The following RALGPS2 variants were observed in gnomAD, a reference collection of about 807,000 sequenced individuals.
The protein encoded by RALGPS2 is Ral GEF with PH domain and SH3 binding motif 2.
A neutral mutation model predicts 86.8 loss-of-function variants in RALGPS2; 43 were observed. That is an observed-to-expected ratio of 0.50 (90% confidence interval 0.39 to 0.64). The LOEUF (loss-of-function observed/expected upper bound fraction) is 0.64. Ranked by LOEUF, RALGPS2 falls within the 30% of genes least tolerant of loss-of-function variation. RALGPS2 has a pLI of 0.00. For missense variants in RALGPS2, 536 were observed against 694.6 expected (o/e 0.77, Z 2.57); for synonymous variants, 243 against 231.3 (o/e 1.05, Z -0.46).
At chr1:178,905,862 A>G (rs1265599430) in intron 18 of RALGPS2, among the ~76,000 whole-genome samples, 1 of 152,186 alleles carries the variant, frequency 6.6e-6, no homozygotes, top group Non-Finnish European at 1.5e-5. Context: ...TGAATATCTA[A>G]TTTCTTAAAA....
chr1:178,788,756 G>A (rs74713192), intron 4 of RALGPS2, among the ~76,000 whole-genome samples: 5,483 of 151,928 alleles, frequency 0.036, 122 homozygotes, highest in Middle Eastern at 0.058. Flanking sequence ...GACATTTTCC[G>A]CGTTAGGTTT....
At chr1:178,730,655 A>G (rs1311875284) in intron 1 of RALGPS2, among the ~76,000 whole-genome samples, 3 of 147,662 alleles carry the variant, frequency 2.0e-5, no homozygotes, top group African/African-American at 7.5e-5. Context: ...CTGTGTAGCT[A>G]TAATTGTGAC....
At chr1:178,766,198 T>C (rs1652498275) in intron 1 of RALGPS2, among the ~76,000 whole-genome samples, 1 of 152,192 alleles carries the variant, frequency 6.6e-6, no homozygotes, top group South Asian at 2.1e-4. Flanking sequence ...CTAATAAATG[T>C]CCATGAAATC....
At chr1:178,738,986 A>G (rs1650874315) in intron 1 of RALGPS2, among the ~76,000 whole-genome samples, 1 of 152,176 alleles carries the variant, frequency 6.6e-6, no homozygotes, top group African/African-American at 2.4e-5. Context: ...TACATGACAA[A>G]TCTGTATGTT....
intron 8 of RALGPS2, among the ~76,000 whole-genome samples, chr1:178,838,253 G>A (rs1422598415): frequency 6.6e-6 from 1 of 152,210 alleles, no homozygotes; most frequent in Non-Finnish European, 1.5e-5. Flanking sequence ...CCCCCAAGTA[G>A]CCTAACTGGG....
chr1:178,797,084 T>C (rs1248641783), intron 4 of RALGPS2, among the ~76,000 whole-genome samples: 1 of 152,232 alleles, frequency 6.6e-6, no homozygotes, highest in Admixed American at 6.5e-5. Context: ...GTTTTATTCC[T>C]AAGTCATACC....
At chr1:178,853,727 A>G in intron 8 of RALGPS2, 1 of 1,609,140 alleles carries the variant, frequency 6.2e-7, no homozygotes, top group Non-Finnish European at 8.5e-7. Context: ...AGGTTTAATC[A>G]TATAAATCCC....
At chr1:178,872,298 T>C (rs1658801241) in intron 8 of RALGPS2, among the ~76,000 whole-genome samples, 1 of 152,208 alleles carries the variant, frequency 6.6e-6, no homozygotes, top group African/African-American at 2.4e-5. Flanking sequence ...CTATGCCATA[T>C]ATAGGTATAC....
intron 7 of RALGPS2, among the ~76,000 whole-genome samples, chr1:178,826,157 C>T (rs1467640986): frequency 6.6e-6 from 1 of 152,134 alleles, no homozygotes; most frequent in Non-Finnish European, 1.5e-5. Flanking sequence ...AAGACAACAA[C>T]ATTCTATGTA....
chr1:178,836,763 C>A (rs1558141900), intron 8 of RALGPS2, among the ~76,000 whole-genome samples: 2 of 151,934 alleles, frequency 1.3e-5, no homozygotes, highest in African/African-American at 4.8e-5. Context: ...CAGTCCACTT[C>A]TTTTCTTTCT....
intron 2 of RALGPS2, among the ~76,000 whole-genome samples, chr1:178,780,018 G>A (rs1317056829): frequency 6.6e-6 from 1 of 152,180 alleles, no homozygotes; most frequent in African/African-American, 2.4e-5. Context: ...ATAGATGTGA[G>A]CCACTGCATC....
chr1:178,808,910 A>T (rs1323578399), intron 5 of RALGPS2, among the ~76,000 whole-genome samples: 2 of 152,082 alleles, frequency 1.3e-5, no homozygotes, highest in Non-Finnish European at 2.9e-5. Context: ...TCTGTCACCC[A>T]AGCTGGAGTA....
chr1:178,877,853 A>G (rs1659065501), intron 9 of RALGPS2, among the ~76,000 whole-genome samples: 1 of 152,048 alleles, frequency 6.6e-6, no homozygotes, highest in Admixed American at 6.5e-5. Flanking sequence ...AATATTTAAA[A>G]TTTTTATTTT....
chr1:178,920,429 C>T lies in RALGPS2; in HGVS notation c.*4070C>T, dbSNP rs1369483004. On this transcript the variant is annotated 3_prime_UTR_variant, in exon 20 of 20. Coordinates refer to ENST00000367635, the MANE Select transcript of RALGPS2 (RefSeq NM_152663.5). ...ATCAAGTATGACAATAATCATGTGC[C>T]CTCTTGCTCCTCTTATTTCAGGAGT... 6.6e-6 allele frequency: 1 copy of T among 151,774 alleles called. No homozygotes were observed. The highest frequency in any genetic ancestry group is 1.5e-5 in the Non-Finnish European group (1 of 67,846). The allele number at this position is 151,774 out of a possible 1,614,324, so 9.4% of individuals were successfully genotyped here.
At chr1:178,819,165 GT>G (rs906916297) in intron 6 of RALGPS2, among the ~76,000 whole-genome samples, 15 of 150,804 alleles carry the variant, frequency 9.9e-5, no homozygotes, top group African/African-American at 3.6e-4. Context: ...TAATTTCTGT[GT>G]TTTTTTTATA....
chr1:178,776,401 G>T (rs1236886545), intron 1 of RALGPS2, among the ~76,000 whole-genome samples: 1 of 152,076 alleles, frequency 6.6e-6, no homozygotes, highest in Non-Finnish European at 1.5e-5. Flanking sequence ...TTGTACATTT[G>T]ATTTTTTTCC....
intron 4 of RALGPS2, among the ~76,000 whole-genome samples, chr1:178,803,898 C>T (rs1318757396): frequency 6.6e-6 from 1 of 152,168 alleles, no homozygotes; most frequent in Non-Finnish European, 1.5e-5. Context: ...TTTTAGCTTA[C>T]ATCACATGAG....
chr1:178,861,905 C>T (rs957694847), intron 8 of RALGPS2, among the ~76,000 whole-genome samples: 1 of 152,102 alleles, frequency 6.6e-6, no homozygotes, highest in Non-Finnish European at 1.5e-5. Context: ...TTGAGTCTCA[C>T]TCTGTTGCCC....
intron 1 of RALGPS2, among the ~76,000 whole-genome samples, chr1:178,737,716 G>T (rs989494961): frequency 1.3e-5 from 2 of 152,040 alleles, no homozygotes; most frequent in African/African-American, 2.4e-5. Context: ...TTTAATGTAA[G>T]ATCTAATTTT....
Sources: gnomAD v4.1 joint callset for allele counts (sites outside exome capture counted in the v4.1 genomes callset) on GRCh38, gnomAD v4.1.1 for gene constraint, MANE v1.5 for transcripts, NCBI Gene and HGNC (gene_info 2026-07-23, HGNC 2026-07-21) for gene names.